MYO1H: variants seen among roughly 807,000 people sequenced by gnomAD.
MYO1H encodes the protein myosin IH, also known as unconventional myosin-Ih.
MYO1H carries 118 observed loss-of-function variants against 149.3 expected under a neutral mutation model. The ratio of observed to expected loss-of-function variants is 0.79; its 90% CI spans 0.68 to 0.92. MYO1H has a LOEUF of 0.92. Ranked by LOEUF, MYO1H falls within the 40% of genes least tolerant of loss-of-function variation. The pLI, the probability that MYO1H is intolerant of heterozygous loss-of-function variation, is 0.00. For synonymous variants in MYO1H, 447 were observed against 465.2 expected, an observed-to-expected ratio of 0.96 and a Z score of 0.50; for missense variants, 1,212 against 1,280.7, an observed-to-expected ratio of 0.95 and a Z score of 0.82.
intron 5 of MYO1H, among the ~76,000 whole-genome samples, chr12:109,400,594 TATTA>T (rs781051066): frequency 3.5e-4 from 54 of 152,140 alleles, no homozygotes; most frequent in Non-Finnish European, 5.4e-4. Flanking sequence ...TTATTGAAAA[TATTA>T]ATTAAGACAG....
At chr12:109,427,896 A>T (rs1566038861) in intron 19 of MYO1H, among the ~76,000 whole-genome samples, 15 of 73,914 alleles carry the variant, frequency 2.0e-4, no homozygotes, top group African/African-American at 7.1e-4. Flanking sequence ...AAAAAAAAAA[A>T]AAAAAAAAAA....
intron 1 of MYO1H, among the ~76,000 whole-genome samples, chr12:109,359,972 C>G (rs1868705260): frequency 6.6e-6 from 1 of 152,146 alleles, no homozygotes; most frequent in African/African-American, 2.4e-5. Flanking sequence ...AGCGACTCCC[C>G]GCGACCTCTG....
At chr12:109,431,010 G>A (rs1315820793) in intron 19 of MYO1H, among the ~76,000 whole-genome samples, 5 of 150,030 alleles carry the variant, frequency 3.3e-5, no homozygotes, top group Non-Finnish European at 3.0e-5. Context: ...AGCCGAGATC[G>A]CACCACTGCA....
chr12:109,404,690 G>T (rs1392026310), intron 7 of MYO1H, among the ~76,000 whole-genome samples: 1 of 152,118 alleles, frequency 6.6e-6, no homozygotes, highest in Non-Finnish European at 1.5e-5. Flanking sequence ...TGTGTGCAAG[G>T]AGGAAGAGTC....
chr12:109,368,330 A>T (rs948089400), intron 1 of MYO1H, among the ~76,000 whole-genome samples: 2 of 152,190 alleles, frequency 1.3e-5, no homozygotes, highest in Non-Finnish European at 2.9e-5. Flanking sequence ...AATTGAAGGT[A>T]ATAAACAATG....
chr12:109,438,457 G>C (rs1871965588), intron 22 of MYO1H, 79 bp from the exon 23 acceptor site: 2 of 1,150,554 alleles, frequency 1.7e-6, no homozygotes, highest in East Asian at 5.0e-5. Flanking sequence ...TTGTTGAATG[G>C]ACAAAGCCTT....
At chr12:109,327,128 C>CTTTTTTTTTTTT in the MYO1H span, among the ~76,000 whole-genome samples, 2 of 103,692 alleles carry the variant, frequency 1.9e-5, no homozygotes, top group African/African-American at 8.4e-5. Flanking sequence ...TTTTCTTTTT[C>CTTTTTTTTTTTT]TTTTTCTTTT....
At chr12:109,421,016 C>A in exon 16 of MYO1H, 2 of 1,584,226 alleles carry the variant, frequency 1.3e-6, no homozygotes, top group Non-Finnish European at 1.7e-6. Flanking sequence ...TCTTTACAGA[C>A]ATCTGAAAGA....
the MYO1H span, among the ~76,000 whole-genome samples, chr12:109,318,980 T>TGTTTTTTTTGTTTTTTTTG: frequency 7.3e-6 from 1 of 136,108 alleles, no homozygotes; most frequent in African/African-American, 2.9e-5. Flanking sequence ...TTGTTTTTTT[T>TGTTTTTTTTGTTTTTTTTG]TTTTTTTTTT....
chr12:109,312,831 C>T, the MYO1H span, among the ~76,000 whole-genome samples: 3 of 150,838 alleles, frequency 2.0e-5, no homozygotes, highest in Non-Finnish European at 4.4e-5. Context: ...TTAGAACCCT[C>T]CAGGGCCATG....
intron 23 of MYO1H, 74 bp downstream of exon 23, chr12:109,438,694 A>C: frequency 8.9e-7 from 1 of 1,123,908 alleles, no homozygotes; most frequent in Non-Finnish European, 1.3e-6. Context: ...ATGGAGGTAG[A>C]TGAGTTCTTT....
chr12:109,351,687 A>G (rs1034845914), intron 1 of MYO1H, among the ~76,000 whole-genome samples: 1 of 152,148 alleles, frequency 6.6e-6, no homozygotes, highest in South Asian at 2.1e-4. Flanking sequence ...AATAAGAAGA[A>G]AGCCCCCATG....
chr12:109,393,338 T>C lies in MYO1H; in HGVS notation c.182T>C (p.Ile61Thr), dbSNP rs1869741979. The C allele has an allele frequency of 3.2e-6, 5 of 1,571,028 alleles. No individual in the cohort carries two copies. The African/African-American group carries it at 6.7e-5, about 21-fold the overall frequency. Residue 61 changes from isoleucine (I) to threonine (T), a missense_variant, in exon 3 of 32, where the codon ATT (isoleucine) becomes ACT (threonine). Transcript: ENST00000310903. ...TTTGGTCCATTTCTCTAGACATATA[T>C]TGGCACCCTCCTTGTGTCTGTGAAT...
chr12:109,377,258 T>C (rs1463002547), intron 1 of MYO1H, among the ~76,000 whole-genome samples: 16 of 152,162 alleles, frequency 1.1e-4, no homozygotes, highest in Admixed American at 3.9e-4. Flanking sequence ...GGCTTATAAT[T>C]CTGATGGCTG....
At chr12:109,393,649 A>G (rs1302593764) in intron 3 of MYO1H, among the ~76,000 whole-genome samples, 3 of 151,656 alleles carry the variant, frequency 2.0e-5, no homozygotes, top group South Asian at 2.1e-4. Context: ...CCATCCGCCT[A>G]TCCATCCATC....
At chr12:109,390,214 T>TC (rs1444688339) in intron 2 of MYO1H, among the ~76,000 whole-genome samples, 3 of 150,686 alleles carry the variant, frequency 2.0e-5, no homozygotes, top group African/African-American at 4.9e-5. Flanking sequence ...TTTTTTTCTT[T>TC]TTTTTTTTTT....
intron 1 of MYO1H, among the ~76,000 whole-genome samples, chr12:109,375,990 C>G (rs1869080185): frequency 6.6e-6 from 1 of 152,094 alleles, no homozygotes; most frequent in Non-Finnish European, 1.5e-5. Flanking sequence ...ATCAGTCAAT[C>G]AATGGAAAGA....
chr12:109,404,796 A>G (rs771840022), intron 7 of MYO1H, among the ~76,000 whole-genome samples: 5 of 151,940 alleles, frequency 3.3e-5, no homozygotes, highest in Non-Finnish European at 5.9e-5. Context: ...TTTTGGTACA[A>G]ACTAGAACAA....
At chr12:109,397,838 T>G (rs1298831975) in intron 5 of MYO1H, 26 bp downstream of exon 5, 2 of 1,552,844 alleles carry the variant, frequency 1.3e-6, no homozygotes, top group Non-Finnish European at 1.8e-6. Flanking sequence ...TATTACTGGT[T>G]CATGGGGACC....
Sources: gnomAD v4.1 joint callset for allele counts (sites outside exome capture counted in the v4.1 genomes callset) on GRCh38, gnomAD v4.1.1 for gene constraint, MANE v1.5 for transcripts, NCBI Gene and HGNC (gene_info 2026-07-23, HGNC 2026-07-21) for gene names.